Variants in CAGE1 observed in about 807,000 individuals in gnomAD.
CAGE1 encodes cancer-associated gene 1 protein.
Under a neutral mutation model 94.9 loss-of-function variants are expected in CAGE1, and 66 were observed. The observed-to-expected ratio is 0.70, with a 90% CI of 0.57 to 0.85. The LOEUF (loss-of-function observed/expected upper bound fraction) is 0.85. Ranked by LOEUF, CAGE1 falls within the 40% of genes least tolerant of loss-of-function variation. CAGE1 has a pLI of 0.00. For synonymous variants in CAGE1, 319 were observed against 321.0 expected (o/e 0.99, Z 0.07); for missense variants, 865 against 950.4 (o/e 0.91, Z 1.18).
Position 7,373,391 on chromosome 6 carries a change from T to C in CAGE1, c.1428A>G (p.Glu476=). ...AGAACTCTTGTTCTTGGGCCTCTTT[T>C]TCCCGTTTCAACAAGTCCAAAGCAG... ...TASALDLLKR[E]KEAQEQEFLS... is the part of the protein sequence containing the mutation. The change falls in exon 5 of 14, where the codon GAA becomes GAG. Residue 476 remains glutamate, a synonymous_variant. Transcript: ENST00000502583. The C allele has an allele frequency of 1.9e-6, 3 of 1,613,856 alleles. No individual in the cohort carries two copies. The highest frequency in any genetic ancestry group is 2.5e-6 in the Non-Finnish European group (3 of 1,179,836).
intron 9 of CAGE1, among the ~76,000 whole-genome samples, chr6:7,361,032 TATG>T (rs753034015): frequency 2.6e-5 from 4 of 152,178 alleles, no homozygotes; most frequent in Admixed American, 6.5e-5. Context: ...AACAGGCAGA[TATG>T]AAGATAGCTA....
intron 9 of CAGE1, among the ~76,000 whole-genome samples, chr6:7,364,782 A>G (rs919288435): frequency 6.6e-5 from 10 of 151,890 alleles, no homozygotes; most frequent in African/African-American, 2.4e-4. Flanking sequence ...ATTACTTCTT[A>G]TGAAAAAAAA....
intron 6 of CAGE1, among the ~76,000 whole-genome samples, chr6:7,369,374 A>AC: frequency 7.6e-6 from 1 of 130,914 alleles, no homozygotes; most frequent in East Asian, 2.4e-4. Context: ...CAGAAGCATC[A>AC]TTTCCCCATC....
Position 7,373,431 on chromosome 6 carries a change from T to A in CAGE1, c.1388A>T (p.Glu463Val). ...GTCCAAAGCAGAAGCTGTGGCCTTT[T>A]CCAGTTCTTTTTTGAGTTGTTGTAG... ...ERLQQLKKEL[E>V]KATASALDLL... The change falls in exon 5 of 14, where the codon GAA (glutamate) becomes GTA (valine). Residue 463 changes from glutamate (E) to valine (V), a missense_variant. Coordinates refer to ENST00000502583, the MANE Select transcript of CAGE1 (RefSeq NM_001170692.2). 1 of 1,613,886 alleles carries A rather than the reference T, an allele frequency of 6.2e-7. No individual in the cohort carries two copies. The highest frequency in any genetic ancestry group is 1.3e-5 in the African/African-American group (1 of 75,034).
chr6:7,329,401 C>A, intron 13 of CAGE1: 1 of 342,890 alleles, frequency 2.9e-6, no homozygotes, highest in Middle Eastern at 4.1e-4. Flanking sequence ...TCATAGGGGA[C>A]TTTATACGCC....
chr6:7,372,654 A>G (rs1760578384), intron 5 of CAGE1, among the ~76,000 whole-genome samples: 2 of 151,882 alleles, frequency 1.3e-5, no homozygotes, highest in Admixed American at 6.6e-5. Context: ...TCCTTTCCAT[A>G]TCTGTTTTTC....
chr6:7,345,259 C>A (rs9767788), intron 11 of CAGE1, among the ~76,000 whole-genome samples: 7,234 of 152,222 alleles, frequency 0.048, 296 homozygotes, highest in African/African-American at 0.11. Context: ...ACTCCAGACA[C>A]GCTACCTTAA....
At chr6:7,336,553 A>C (rs1758958557) in intron 11 of CAGE1, among the ~76,000 whole-genome samples, 1 of 152,182 alleles carries the variant, frequency 6.6e-6, no homozygotes, top group African/African-American at 2.4e-5. Flanking sequence ...TCTGTCGCCA[A>C]GACTGGAATG....
chr6:7,356,367 A>G (rs1759953347), intron 9 of CAGE1, among the ~76,000 whole-genome samples: 1 of 152,368 alleles, frequency 6.6e-6, no homozygotes, highest in South Asian at 2.1e-4. Context: ...ATAAAACAGC[A>G]TTACAAATAA....
chr6:7,389,500 A>C lies in CAGE1; in HGVS notation c.-322T>G, dbSNP rs1030950715. ...AGGTGCAGCCCGCGAGGCCCGAGCG[A>C]CCCTACTGTGGGTGCGGTGTCTTCC... On this transcript the variant is annotated 5_prime_UTR_variant, in exon 1 of 14. Coordinates refer to ENST00000502583, the MANE Select transcript of CAGE1 (RefSeq NM_001170692.2). 2.7e-6 allele frequency: 1 copy of C among 364,342 alleles called. No individual in the cohort carries two copies. The highest frequency in any genetic ancestry group is 3.6e-5 in the Admixed American group (1 of 27,910). The allele number at this position is 364,342 out of a possible 1,614,324, so 22.6% of individuals were successfully genotyped here.
At chr6:7,341,133 C>A (rs751403037) in intron 11 of CAGE1, 1 of 562,888 alleles carries the variant, frequency 1.8e-6, no homozygotes, top group Non-Finnish European at 3.5e-6. Flanking sequence ...TGTGAGCTTC[C>A]CACAGCCGGT....
chr6:7,333,642 C>CTATCTA (rs1393663829), intron 12 of CAGE1, among the ~76,000 whole-genome samples: 38 of 121,510 alleles, frequency 3.1e-4, no homozygotes, highest in South Asian at 1.1e-3. Flanking sequence ...ATCTAACTAT[C>CTATCTA]TATATATATA....
intron 5 of CAGE1, among the ~76,000 whole-genome samples, chr6:7,371,224 G>A (rs1760528226): frequency 6.6e-6 from 1 of 152,052 alleles, no homozygotes; most frequent in African/African-American, 2.4e-5. Context: ...GAAACTCTAG[G>A]GTAGGGCCAG....
At chr6:7,326,933 T>G in intron 13 of CAGE1, 34 bp from the exon 14 acceptor site, 1 of 1,538,732 alleles carries the variant, frequency 6.5e-7, no homozygotes, top group Non-Finnish European at 9.0e-7. Flanking sequence ...TCGTAAGTTT[T>G]GGGGAAAGAC....
chr6:7,376,202 A>G (rs1760736640), intron 4 of CAGE1, among the ~76,000 whole-genome samples: 1 of 151,810 alleles, frequency 6.6e-6, no homozygotes, highest in African/African-American at 2.4e-5. Flanking sequence ...ATCCTGGCTA[A>G]CACTGTGAAA....
At chr6:7,358,028 A>ATATATCTATATGTG in intron 9 of CAGE1, among the ~76,000 whole-genome samples, 1 of 66,942 alleles carries the variant, frequency 1.5e-5, no homozygotes, top group Non-Finnish European at 3.0e-5. Context: ...AAGTTTTGAG[A>ATATATCTATATGTG]TATATATATA....
At chr6:7,366,363 T>C (rs900453035) in intron 7 of CAGE1, among the ~76,000 whole-genome samples, 4 of 152,172 alleles carry the variant, frequency 2.6e-5, no homozygotes, top group African/African-American at 9.7e-5. Flanking sequence ...CCAAGACTGC[T>C]AGGCTTAGAG....
chr6:7,345,223 T>A (rs2465475), intron 11 of CAGE1, among the ~76,000 whole-genome samples: 1 of 151,838 alleles, frequency 6.6e-6, no homozygotes, highest in Non-Finnish European at 1.5e-5. Flanking sequence ...TAGTATAAGC[T>A]ACCAGCCTAC....
intron 11 of CAGE1, among the ~76,000 whole-genome samples, chr6:7,343,415 T>G (rs1342905207): frequency 6.6e-6 from 1 of 152,148 alleles, no homozygotes; most frequent in African/African-American, 2.4e-5. Flanking sequence ...CAATCAAACT[T>G]TTTGATCATT....
Sources: allele counts gnomAD v4.1 joint callset (sites outside exome capture counted in the v4.1 genomes callset), GRCh38; gene constraint gnomAD v4.1.1; transcripts MANE v1.5; gene names NCBI Gene and HGNC (gene_info 2026-07-23, HGNC 2026-07-21).